NGLY1: variants seen among roughly 807,000 people sequenced by gnomAD.
NGLY1 encodes the protein peptide-N(4)-(N-acetyl-beta-glucosaminyl)asparagine amidase.
A neutral mutation model predicts 84.6 loss-of-function variants in NGLY1; 68 were observed. The ratio of observed to expected loss-of-function variants is 0.80; its 90% CI spans 0.66 to 0.98. NGLY1 has a LOEUF of 0.98. Among genes scored for constraint, NGLY1 ranks in the 50% least tolerant of loss-of-function variants. The pLI, the probability that NGLY1 is intolerant of heterozygous loss-of-function variation, is 0.00. For missense variants in NGLY1, 779 were observed against 770.2 expected, an observed-to-expected ratio of 1.01 and a Z score of -0.14; for synonymous variants, 280 against 275.2, an observed-to-expected ratio of 1.02 and a Z score of -0.17.
intron 2 of NGLY1, among the ~76,000 whole-genome samples, chr3:25,777,167 G>T (rs1023557061): frequency 1.3e-5 from 2 of 152,164 alleles, no homozygotes; most frequent in Non-Finnish European, 2.9e-5. Flanking sequence ...AGGCCAAGGC[G>T]GGCGGATCGC....
chr3:25,746,592 G>C (rs1706448486), intron 4 of NGLY1, among the ~76,000 whole-genome samples: 1 of 152,212 alleles, frequency 6.6e-6, no homozygotes, highest in Admixed American at 6.5e-5. Context: ...TTAGCTAATA[G>C]ACTTGAAGGA....
At position 25,726,839 on chromosome 3, in the gene NGLY1, C is replaced by T. The variant is rs80036147; in HGVS notation, c.1611+2294G>A. 5.0e-3 allele frequency among the ~76,000 whole-genome samples: 758 copies of T among 152,318 alleles called. 2 individuals carry two copies. The highest frequency in any genetic ancestry group is 7.9e-3 in the Admixed American group (121 of 15,308). On this transcript the variant is annotated intron_variant, in intron 10 of 11. Coordinates refer to ENST00000280700, the MANE Select transcript of NGLY1 (RefSeq NM_018297.4). ...GTGTTATCACTTGCCTCCCAAAAAG[C>T]GTACTGGTCTTCTTGATTTAGTTTT...
chr3:25,726,493 G>A (rs1186108594), intron 10 of NGLY1, among the ~76,000 whole-genome samples: 7 of 152,176 alleles, frequency 4.6e-5, no homozygotes, highest in African/African-American at 1.4e-4. Context: ...TGGGACCTGA[G>A]GGAGTGAGGC....
chr3:25,721,789 C>CTCCACAATT (rs1173088532), intron 10 of NGLY1, among the ~76,000 whole-genome samples: 3 of 150,438 alleles, frequency 2.0e-5, no homozygotes, highest in Non-Finnish European at 4.4e-5. Context: ...AGAAAAAATC[C>CTCCACAATT]TCCACAATTT....
In NGLY1 at chr3:25,718,994, A is replaced by T. The variant is rs1272557488; in HGVS notation, c.*466T>A. ...CTTAAATGCCTGAATATTTATAATC[A>T]TATAAATTTTCATGCATTATATAAT... is the stretch of plus-strand genomic sequence containing the variant. On this transcript the variant is annotated 3_prime_UTR_variant, in exon 12 of 12. Coordinates refer to ENST00000280700, the MANE Select transcript of NGLY1 (RefSeq NM_018297.4). 1.3e-5 allele frequency: 2 copies of T among 152,242 alleles called. No individual in the cohort carries two copies. Among genetic ancestry groups the T allele is most frequent in the Non-Finnish European group, 2.9e-5 (2 of 68,068 alleles). 9.4% of individuals were successfully genotyped at this position (152,242 alleles called of 1,614,324 possible). A position where few individuals can be genotyped will look rare whatever the true frequency, so the allele number is the denominator to read the frequency against.
chr3:25,783,523 GGCCGGC>G, upstream of NGLY1: 2 of 408,648 alleles, frequency 4.9e-6, no homozygotes, highest in Non-Finnish European at 6.1e-6. This position sits in a 1 kb window ranked among gnomAD's most constrained non-coding sequence, Gnocchi z 4.5. Flanking sequence ...CGGGGTCCTC[GGCCGGC>G]AGGGGCGGGG....
At chr3:25,763,408 G>A (rs967936221) in intron 3 of NGLY1, among the ~76,000 whole-genome samples, 10 of 152,210 alleles carry the variant, frequency 6.6e-5, no homozygotes, top group African/African-American at 2.4e-4. Flanking sequence ...AAGATGTTAA[G>A]TGAGCTTCTG....
At chr3:25,777,025 C>T (rs954265688) in intron 2 of NGLY1, among the ~76,000 whole-genome samples, 13 of 152,206 alleles carry the variant, frequency 8.5e-5, no homozygotes, top group African/African-American at 3.1e-4. Context: ...TGCTTCATCC[C>T]TTGTCCCCAT....
chr3:25,776,984 CTAATG>C (rs1321376245), intron 2 of NGLY1, among the ~76,000 whole-genome samples: 1 of 152,186 alleles, frequency 6.6e-6, no homozygotes, highest in Non-Finnish European at 1.5e-5. Flanking sequence ...CTTATTTAGA[CTAATG>C]TAATAAGCTT....
chr3:25,732,039 G>A (rs1705565397), intron 9 of NGLY1, among the ~76,000 whole-genome samples: 1 of 151,976 alleles, frequency 6.6e-6, no homozygotes, highest in Admixed American at 6.6e-5. Context: ...TATAATTTGT[G>A]CATTTTCCTG....
chr3:25,771,612 G>A (rs1707894761), intron 2 of NGLY1, among the ~76,000 whole-genome samples: 1 of 152,056 alleles, frequency 6.6e-6, no homozygotes. Flanking sequence ...TTTGGAGATT[G>A]CTTTTGGTAG....
At chr3:25,755,568 C>G (rs56408871) in intron 3 of NGLY1, 1 of 1,434,734 alleles carries the variant, frequency 7.0e-7, no homozygotes, top group Non-Finnish European at 9.8e-7. Flanking sequence ...AATGATTGGG[C>G]CCAAAAATAT....
chr3:25,764,017 T>G (rs1402620556), intron 3 of NGLY1, 49 bp downstream of exon 3: 1 of 1,601,292 alleles, frequency 6.2e-7, no homozygotes, highest in Non-Finnish European at 8.5e-7. Context: ...CTTTTGCTGT[T>G]TCAACACTTT....
intron 10 of NGLY1, among the ~76,000 whole-genome samples, chr3:25,722,356 G>C (rs954853299): frequency 1.3e-5 from 2 of 151,284 alleles, no homozygotes; most frequent in Admixed American, 1.3e-4. Flanking sequence ...GCAAATAGTT[G>C]AAAGTACCAT....
intron 10 of NGLY1, among the ~76,000 whole-genome samples, chr3:25,728,613 T>A (rs1231924495): frequency 6.6e-6 from 1 of 152,096 alleles, no homozygotes; most frequent in Non-Finnish European, 1.5e-5. Flanking sequence ...CTTAATTATT[T>A]TTTTAAGATA....
rs149425911 is a variant in NGLY1, at chr3:25,738,803, G to A, written c.881+774C>T. ...AAACAAGCACATGATTAGAAACTAT[G>A]TCCTAAGCTAAAAAAAATTAGATAT... is the stretch of plus-strand genomic sequence containing the variant. On this transcript the variant is annotated intron_variant, in intron 5 of 11. Coordinates refer to ENST00000280700, the MANE Select transcript of NGLY1 (RefSeq NM_018297.4). 4.3e-3 allele frequency among the ~76,000 whole-genome samples: 659 copies of A among 151,964 alleles called. 4 individuals are homozygous for A. Among genetic ancestry groups the A allele is most frequent in the African/African-American group, 0.015 (612 of 41,420 alleles).
chr3:25,756,617 G>A (rs1025785086), intron 3 of NGLY1, among the ~76,000 whole-genome samples: 1 of 152,154 alleles, frequency 6.6e-6, no homozygotes, highest in Non-Finnish European at 1.5e-5. Flanking sequence ...CTGGACCTAG[G>A]CAAAACCAAT....
rs763955751 is a variant in NGLY1, at chr3:25,733,982, C to A, written c.1150G>T (p.Val384Leu). ...GAATATCGCCAAGTGACATCAACTA[C>A]CTGAAACAAATAACAGAATACAAAT... is the stretch of plus-strand genomic sequence containing the variant. ...SYVIAFSKDEVVDVTWRYSCK... is the reference protein window; with the variant it reads ...SYVIAFSKDELVDVTWRYSCK... The change falls in exon 8 of 12, where the codon GTA (valine) becomes TTA (leucine). Residue 384 changes from valine (V) to leucine (L), a missense_variant and splice_region_variant. Coordinates refer to ENST00000280700, the MANE Select transcript of NGLY1 (RefSeq NM_018297.4). 1.2e-6 allele frequency: 2 copies of A among 1,612,486 alleles called. No homozygotes were observed. Among genetic ancestry groups the A allele is most frequent in the South Asian group, 1.1e-5 (1 of 90,998 alleles).
At chr3:25,744,721 C>T (rs999679900) in intron 4 of NGLY1, among the ~76,000 whole-genome samples, 1 of 152,190 alleles carries the variant, frequency 6.6e-6, no homozygotes, top group Admixed American at 6.5e-5. Flanking sequence ...CATGTTACTC[C>T]AAGGAAGACT....
Sources: gnomAD v4.1 joint callset for allele counts (sites outside exome capture counted in the v4.1 genomes callset) on GRCh38, gnomAD v4.1.1 for gene constraint, Gnocchi (gnomAD v3.1) non-coding constraint, MANE v1.5 for transcripts, NCBI Gene and HGNC (gene_info 2026-07-23, HGNC 2026-07-21) for gene names.